The following RORA variants were observed in gnomAD, a reference collection of about 807,000 sequenced individuals.
The protein encoded by RORA is RAR related orphan receptor A, also known as nuclear receptor ROR-alpha.
In RORA, 7 loss-of-function variants were observed where a neutral mutation model predicts 69.5. The observed-to-expected ratio is 0.10, with a 90% CI of 0.06 to 0.19. RORA has a LOEUF of 0.19. Among genes scored for constraint, RORA ranks in the 10% least tolerant of loss-of-function variants. RORA has a pLI of 1.00. For synonymous variants in RORA, 261 were observed against 240.8 expected (o/e 1.08, Z -0.78); for missense variants, 457 against 663.0 (o/e 0.69, Z 3.41).
intron 2 of RORA, among the ~76,000 whole-genome samples, chr15:60,612,713 G>T (rs1183349703): frequency 7.0e-6 from 1 of 142,346 alleles, no homozygotes; most frequent in Non-Finnish European, 1.5e-5. Flanking sequence ...TCTGTCCCCA[G>T]GGGTAAAGTA....
chr15:60,782,232 A>T (rs1180979232), intron 1 of RORA, among the ~76,000 whole-genome samples: 1 of 152,202 alleles, frequency 6.6e-6, no homozygotes, highest in African/African-American at 2.4e-5. Context: ...TCAGCAAAAA[A>T]AGAAAAAAAA....
intron 2 of RORA, among the ~76,000 whole-genome samples, chr15:60,538,481 G>GTCCTATTACCCA (rs2066751515): frequency 7.1e-6 from 1 of 141,340 alleles, no homozygotes; most frequent in South Asian, 2.2e-4. Flanking sequence ...GCGATGCTGT[G>GTCCTATTACCCA]TCCTATTACC....
chr15:61,097,671 TC>T (rs973229992), intron 1 of RORA, among the ~76,000 whole-genome samples: 4 of 152,186 alleles, frequency 2.6e-5, no homozygotes, highest in Admixed American at 1.3e-4. Flanking sequence ...ATGTAGAATT[TC>T]TTCTTGGATA....
At chr15:60,743,091 T>C (rs1286081742) in intron 1 of RORA, among the ~76,000 whole-genome samples, 1 of 148,050 alleles carries the variant, frequency 6.8e-6, no homozygotes, top group East Asian at 2.0e-4. Flanking sequence ...CTCGGCTCAC[T>C]GCAACCTCCG....
intron 1 of RORA, among the ~76,000 whole-genome samples, chr15:60,907,384 G>A (rs1891575740): frequency 6.6e-6 from 1 of 152,194 alleles, no homozygotes; most frequent in Non-Finnish European, 1.5e-5. Context: ...AATGTAAGAG[G>A]AGTCAGGAGT....
At chr15:60,889,956 C>T (rs2073795675) in intron 1 of RORA, among the ~76,000 whole-genome samples, 1 of 152,108 alleles carries the variant, frequency 6.6e-6, no homozygotes, top group South Asian at 2.1e-4. Context: ...GATTATTAAA[C>T]AGCATCAAGT....
chr15:60,938,422 A>G (rs1393093584), intron 1 of RORA, among the ~76,000 whole-genome samples: 4 of 152,248 alleles, frequency 2.6e-5, no homozygotes, highest in African/African-American at 4.8e-5. Context: ...ATTCAAATAT[A>G]GTACCTGTGA....
intron 1 of RORA, among the ~76,000 whole-genome samples, chr15:60,898,626 G>C (rs1891299611): frequency 6.6e-6 from 1 of 152,046 alleles, no homozygotes; most frequent in South Asian, 2.1e-4. Context: ...TTGAGCCCAG[G>C]AGTTTGAGGC....
Position 60,604,132 on chromosome 15 carries a change from CAAAAAAAAAAA to C in RORA, c.197-72292_197-72282del, listed in dbSNP as rs3053857. Reference sequence around the variant, plus strand: ...TGGGTGACAGAGCGAGACTCTGTCTCAAAAAAAAAAAAAAAAAAAAAAGCACGAACATTAGA... The same window carrying C: ...TGGGTGACAGAGCGAGACTCTGTCTCAAAAAAAAAAAGCACGAACATTAGA... On this transcript the variant is annotated intron_variant, in intron 2 of 10. Transcript: ENST00000335670. 7.6e-5 allele frequency among the ~76,000 whole-genome samples: 7 copies of C among 91,982 alleles called. No homozygotes were observed. The Admixed American group carries it at 8.6e-4, about 11-fold the overall frequency. 60.3% of individuals were successfully genotyped at this position (91,982 alleles called of 152,430 possible).
In RORA at chr15:60,959,404, G is replaced by A. The variant is rs1893354669; in HGVS notation, c.166+269649C>T. Among the ~76,000 whole-genome samples, 4 of 152,192 alleles carry A rather than the reference G, an allele frequency of 2.6e-5. 1 individual carries two copies. In the South Asian group the frequency reaches 6.2e-4, roughly 24 times the overall value. On this transcript the variant is annotated intron_variant, in intron 1 of 10. Coordinates refer to ENST00000335670, the MANE Select transcript of RORA (RefSeq NM_134261.3). ...CTTACTGGAGTCCTAGTTCAACCAC[G>A]TACCTGATAGTGACTTTGTTCCAAT...
chr15:60,868,862 C>T (rs1483786726), intron 1 of RORA, among the ~76,000 whole-genome samples: 1 of 152,130 alleles, frequency 6.6e-6, no homozygotes, highest in African/African-American at 2.4e-5. Context: ...CACTTCATGC[C>T]TTCCTGTCTA....
intron 1 of RORA, among the ~76,000 whole-genome samples, chr15:60,776,500 C>T (rs1317085985): frequency 1.3e-5 from 2 of 152,214 alleles, no homozygotes; most frequent in Non-Finnish European, 2.9e-5. Flanking sequence ...AAGGAAGGAG[C>T]ATCAGAGACT....
chr15:60,966,083 G>C (rs1893547277), intron 1 of RORA, among the ~76,000 whole-genome samples: 1 of 152,142 alleles, frequency 6.6e-6, no homozygotes, highest in Admixed American at 6.6e-5. Flanking sequence ...AGGATGGTGA[G>C]GGAAGGGTCT....
At chr15:61,072,154 A>T (rs2078376350) in intron 1 of RORA, among the ~76,000 whole-genome samples, 1 of 152,258 alleles carries the variant, frequency 6.6e-6, no homozygotes, top group African/African-American at 2.4e-5. Flanking sequence ...ATACACGGAC[A>T]GGATTGTGAA....
At chr15:61,123,162 T>C (rs537928311) in intron 1 of RORA, among the ~76,000 whole-genome samples, 2 of 152,250 alleles carry the variant, frequency 1.3e-5, no homozygotes, top group South Asian at 4.2e-4. Context: ...GCTGCTTTCC[T>C]GGGGTGTCAC....
intron 1 of RORA, among the ~76,000 whole-genome samples, chr15:61,067,089 G>C (rs1829897): frequency 0.99 from 149,900 of 150,872 alleles, 74,478 homozygotes; most frequent in Middle Eastern, 1. Flanking sequence ...ATCTATGTAT[G>C]TATGCATTAG....
At chr15:60,980,951 G>A (rs932951519) in intron 1 of RORA, among the ~76,000 whole-genome samples, 1 of 95,874 alleles carries the variant, frequency 1.0e-5, no homozygotes, top group Non-Finnish European at 2.2e-5. Flanking sequence ...TTAAGGTGGA[G>A]TTTAGGTTAT....
chr15:60,598,453 T>G (rs933001471), intron 2 of RORA: 1 of 152,198 alleles, frequency 6.6e-6, no homozygotes, highest in Non-Finnish European at 1.5e-5. Context: ...CTCAGCCTAC[T>G]CACTGTGAAG....
Position 60,623,324 on chromosome 15 carries a change from G to A in RORA, c.196+55333C>T, listed in dbSNP as rs557783113. ...ATTCTTTAGTAATGCCCAGGAGGGG[G>A]CAGTCAGCTTAGCAAGGATTTGGGA... On this transcript the variant is annotated intron_variant, in intron 2 of 10. Transcript: ENST00000335670. Among the ~76,000 whole-genome samples the A allele has an allele frequency of 9.8e-5, 15 of 152,300 alleles. No homozygotes were observed. The South Asian group carries it at 1.5e-3, about 15-fold the overall frequency.
Sources: allele counts gnomAD v4.1 joint callset (sites outside exome capture counted in the v4.1 genomes callset), GRCh38; gene constraint gnomAD v4.1.1; transcripts MANE v1.5; gene names NCBI Gene and HGNC (gene_info 2026-07-23, HGNC 2026-07-21).